SMOC1: variants seen among roughly 807,000 people sequenced by gnomAD.
The protein encoded by SMOC1 is SPARC-related modular calcium-binding protein 1.
Under a neutral mutation model 56.3 loss-of-function variants are expected in SMOC1, and 22 were observed. The observed-to-expected ratio is 0.39, with a 90% CI of 0.28 to 0.56. SMOC1 has a LOEUF of 0.56. Ranked by LOEUF, SMOC1 falls within the 20% of genes least tolerant of loss-of-function variation. The pLI is 0.61. For missense variants in SMOC1, 509 were observed against 565.4 expected (o/e 0.90, Z 1.01); for synonymous variants, 193 against 215.0 (o/e 0.90, Z 0.89).
intron 5 of SMOC1, among the ~76,000 whole-genome samples, chr14:69,980,909 C>T (rs227442): frequency 0.24 from 37,147 of 151,992 alleles, 5,537 homozygotes; most frequent in African/African-American, 0.42. Flanking sequence ...CCTTCTCTTT[C>T]CCTAGCCTCT....
intron 1 of SMOC1, among the ~76,000 whole-genome samples, chr14:69,881,844 A>G (rs565736591): frequency 1.8e-4 from 27 of 152,308 alleles, no homozygotes. Flanking sequence ...CTCGAACGAG[A>G]ACAAGAAGTT....
chr14:69,920,744 T>G (rs1594802264), intron 1 of SMOC1, among the ~76,000 whole-genome samples: 1 of 152,202 alleles, frequency 6.6e-6, no homozygotes, highest in Non-Finnish European at 1.5e-5. Flanking sequence ...AGATCTGCTT[T>G]GCCTGGGGCT....
chr14:70,023,054 G>T, intron 10 of SMOC1, 149 bp from the exon 11 acceptor site: 1 of 1,175,788 alleles, frequency 8.5e-7, no homozygotes, highest in Non-Finnish European at 1.3e-6. Context: ...ATGGCTTAAC[G>T]TTGCCACAGG....
At chr14:69,938,957 T>A (rs1270415160) in intron 1 of SMOC1, among the ~76,000 whole-genome samples, 2 of 152,214 alleles carry the variant, frequency 1.3e-5, no homozygotes, top group Non-Finnish European at 2.9e-5. Flanking sequence ...TGTGAGGGTG[T>A]GTGCACGCAT....
intron 3 of SMOC1, among the ~76,000 whole-genome samples, chr14:69,964,928 T>G (rs1883512758): frequency 6.6e-6 from 1 of 152,086 alleles, no homozygotes; most frequent in Non-Finnish European, 1.5e-5. Flanking sequence ...CTAACCATGA[T>G]TCCACACTGC....
rs574388133 is a variant in SMOC1, at chr14:70,008,741, T to G, written c.665-2013T>G. 2.6e-5 allele frequency among the ~76,000 whole-genome samples: 4 copies of G among 152,330 alleles called. No individual in the cohort carries two copies. In the East Asian group the frequency reaches 7.7e-4, roughly 29 times the overall value. ...CTTAATTTAAATCCTCTGTCAGAGG[T>G]TGTTACATGAACGTGGTGTCAGTAA... is the stretch of plus-strand genomic sequence containing the variant. On this transcript the variant is annotated intron_variant, in intron 7 of 11. Coordinates refer to ENST00000361956, the MANE Select transcript of SMOC1 (RefSeq NM_001034852.3).
chr14:69,908,789 T>C (rs1438140915), intron 1 of SMOC1, among the ~76,000 whole-genome samples: 1 of 152,184 alleles, frequency 6.6e-6, no homozygotes, highest in Non-Finnish European at 1.5e-5. Flanking sequence ...AATTAGGACT[T>C]GGGGCAGGCT....
chr14:69,979,913 T>G (rs1884113071), intron 5 of SMOC1, among the ~76,000 whole-genome samples: 1 of 152,124 alleles, frequency 6.6e-6, no homozygotes, highest in Non-Finnish European at 1.5e-5. Context: ...CTGAATAAAG[T>G]GCACACACAC....
intron 7 of SMOC1, among the ~76,000 whole-genome samples, chr14:70,001,984 G>A (rs1264012067): frequency 2.0e-5 from 3 of 152,168 alleles, no homozygotes; most frequent in African/African-American, 4.8e-5. Flanking sequence ...GTATGCAGGA[G>A]GAGTGATAGG....
chr14:69,879,478 ACGCTCG>A lies in SMOC1; in HGVS notation c.-195_-190del. On this transcript the variant is annotated 5_prime_UTR_variant, in exon 1 of 12. Coordinates refer to ENST00000361956, the MANE Select transcript of SMOC1 (RefSeq NM_001034852.3). ...GGAGCTAGCGCCGCGCGCAGAGCAC[ACGCTCG>A]CGCTCCAGCTCCCCTCCTGCGCGGT... 2 of 416,616 alleles carry A rather than the reference ACGCTCG, an allele frequency of 4.8e-6. No individual in the cohort carries two copies. The highest frequency in any genetic ancestry group is 8.3e-6 in the Non-Finnish European group (2 of 240,522). The allele number at this position is 416,616 out of a possible 1,614,324, so 25.8% of individuals were successfully genotyped here.
intron 1 of SMOC1, chr14:69,885,586 C>T (rs920582632): frequency 6.4e-7 from 1 of 1,569,818 alleles, no homozygotes; most frequent in Non-Finnish European, 8.7e-7. Context: ...TTGCCTTCCC[C>T]TTGATAATGC....
At chr14:69,956,088 G>C (rs997986631) in intron 3 of SMOC1, among the ~76,000 whole-genome samples, 2 of 152,210 alleles carry the variant, frequency 1.3e-5, no homozygotes, top group African/African-American at 4.8e-5. Flanking sequence ...GGTGTTTACT[G>C]AGGGAAAGGA....
chr14:69,883,778 T>C (rs1276173065), intron 1 of SMOC1, among the ~76,000 whole-genome samples: 1 of 152,182 alleles, frequency 6.6e-6, no homozygotes, highest in Non-Finnish European at 1.5e-5. Context: ...CTCCATATCC[T>C]TACCAGCACT....
At chr14:69,985,898 G>C (rs535969940) in intron 5 of SMOC1, among the ~76,000 whole-genome samples, 34 of 152,218 alleles carry the variant, frequency 2.2e-4, no homozygotes, top group Non-Finnish European at 4.0e-4. Flanking sequence ...CATCTATACC[G>C]TGCCTAATTT....
chr14:70,030,240 A>T lies in SMOC1; in HGVS notation c.1292-2A>T. 6.3e-7 allele frequency: 1 copy of T among 1,595,920 alleles called. No individual in the cohort carries two copies. Among genetic ancestry groups the T allele is most frequent in the Non-Finnish European group, 8.5e-7 (1 of 1,176,132 alleles). ...TTTTTGCATTCTCCTTCCTTCTCTC[A>T]GTAGGACGCCTCGTCTAAGGAGCAG... On this transcript the variant is annotated splice_acceptor_variant, in intron 11 of 11. Transcript: ENST00000361956. LOFTEE classifies it high-confidence loss of function.
At chr14:69,884,921 T>C (rs1234487989) in intron 1 of SMOC1, among the ~76,000 whole-genome samples, 2 of 152,334 alleles carry the variant, frequency 1.3e-5, no homozygotes, top group East Asian at 3.9e-4. Flanking sequence ...TCAGGGTCTT[T>C]TGTGGTTCTA....
chr14:69,921,353 G>C (rs545575202), intron 1 of SMOC1, among the ~76,000 whole-genome samples: 1 of 152,302 alleles, frequency 6.6e-6, no homozygotes, highest in East Asian at 1.9e-4. Context: ...CCTTCCCAGG[G>C]GAGGCTGTTA....
intron 10 of SMOC1, 22 bp from the exon 11 acceptor site, chr14:70,023,181 G>A (rs937862738): frequency 1.2e-6 from 2 of 1,613,836 alleles, no homozygotes; most frequent in Admixed American, 1.7e-5. Flanking sequence ...CTCTGCGGTG[G>A]GGGTGTTTGT....
intron 10 of SMOC1, among the ~76,000 whole-genome samples, chr14:70,020,394 C>A (rs1885667685): frequency 6.6e-6 from 1 of 152,142 alleles, no homozygotes; most frequent in Non-Finnish European, 1.5e-5. Flanking sequence ...GGCTACCCAG[C>A]TTACAGGTAG....
Sources: gnomAD v4.1 joint callset for allele counts (sites outside exome capture counted in the v4.1 genomes callset) on GRCh38, gnomAD v4.1.1 for gene constraint, MANE v1.5 for transcripts, NCBI Gene and HGNC (gene_info 2026-07-23, HGNC 2026-07-21) for gene names.